IL1RAPL2: variants seen among roughly 807,000 people sequenced by gnomAD.
IL1RAPL2 encodes the protein X-linked interleukin-1 receptor accessory protein-like 2.
Under a neutral mutation model 44.1 loss-of-function variants are expected in IL1RAPL2, and 3 were observed. The observed-to-expected ratio is 0.07, with a 90% CI of 0.03 to 0.18. IL1RAPL2 has a LOEUF of 0.18. Ranked by LOEUF, IL1RAPL2 falls within the 10% of genes least tolerant of loss-of-function variation. IL1RAPL2 has a pLI of 1.00. For missense variants in IL1RAPL2, 391 were observed against 496.4 expected, an observed-to-expected ratio of 0.79 and a Z score of 2.02; for synonymous variants, 181 against 178.8, an observed-to-expected ratio of 1.01 and a Z score of -0.10.
chrX:104,822,647 T>C (rs1921333963), intron 2 of IL1RAPL2, among the ~76,000 whole-genome samples: 1 of 112,269 alleles, frequency 8.9e-6, no homozygotes, highest in African/African-American at 3.2e-5. Context: ...CATGCTGTTT[T>C]TGTTAATGTA....
Position 105,484,245 on chromosome X carries a change from G to A in IL1RAPL2, c.698-68G>A. The A allele has an allele frequency of 6.3e-6, 5 of 797,575 alleles. No homozygotes were observed. In the South Asian group the frequency reaches 1.0e-4, roughly 17 times the overall value. 65.7% of individuals were successfully genotyped at this position (797,575 alleles called of 1,213,427 possible). On this transcript the variant is annotated intron_variant, in intron 5 of 10. Coordinates refer to ENST00000372582, the MANE Select transcript of IL1RAPL2 (RefSeq NM_017416.2). ...TCTACAAACATTAAATATCATACAT[G>A]ATAGAATCTTTCTCATCCTGTAATT...
chrX:104,903,262 A>G (rs1278268406), intron 2 of IL1RAPL2, among the ~76,000 whole-genome samples: 2 of 112,408 alleles, frequency 1.8e-5, no homozygotes, highest in African/African-American at 6.5e-5. Context: ...CAGCTGAATA[A>G]GCAAATGCAT....
chrX:105,583,852 T>C (rs1205299198), intron 6 of IL1RAPL2, among the ~76,000 whole-genome samples: 1 of 112,255 alleles, frequency 8.9e-6, no homozygotes, highest in Non-Finnish European at 1.9e-5. Flanking sequence ...TTGAGAACTC[T>C]GCATAATATA....
chrX:105,527,556 G>A (rs1185853899), intron 6 of IL1RAPL2, among the ~76,000 whole-genome samples: 1 of 110,249 alleles, frequency 9.1e-6, no homozygotes. Flanking sequence ...TACAATTTGT[G>A]TGCCAAGGAT....
intron 2 of IL1RAPL2, among the ~76,000 whole-genome samples, chrX:105,021,850 A>T (rs2031286599): frequency 9.0e-6 from 1 of 111,381 alleles, no homozygotes; most frequent in African/African-American, 3.3e-5. Flanking sequence ...ATATTTGAGC[A>T]TATGCTTACC....
chrX:105,484,031 A>T (rs1160493185), intron 5 of IL1RAPL2, among the ~76,000 whole-genome samples: 2 of 111,553 alleles, frequency 1.8e-5, no homozygotes, highest in Non-Finnish European at 3.8e-5. Context: ...TTATACTTAC[A>T]AATTTATAAA....
chrX:105,725,543 A>T (rs1430586152), intron 7 of IL1RAPL2, among the ~76,000 whole-genome samples: 1 of 111,426 alleles, frequency 9.0e-6, no homozygotes, highest in Non-Finnish European at 1.9e-5. Flanking sequence ...GAAAATTTTT[A>T]TTCTTAAAAT....
chrX:105,144,385 G>A (rs184787129), intron 2 of IL1RAPL2, among the ~76,000 whole-genome samples: 2 of 110,867 alleles, frequency 1.8e-5, no homozygotes, highest in East Asian at 5.7e-4. Flanking sequence ...AAGATTCTGG[G>A]CCAAGACATT....
chrX:105,578,957 A>G (rs748844749), intron 6 of IL1RAPL2, among the ~76,000 whole-genome samples: 1 of 111,832 alleles, frequency 8.9e-6, no homozygotes, highest in South Asian at 3.8e-4. Flanking sequence ...TGGAAACTCT[A>G]GCTACTGAAG....
At chrX:105,203,008 G>T (rs1007090908) in intron 3 of IL1RAPL2, among the ~76,000 whole-genome samples, 4 of 110,793 alleles carry the variant, frequency 3.6e-5, no homozygotes, top group African/African-American at 1.3e-4. Flanking sequence ...CCACTCCTCA[G>T]ATCTCCAATA....
intron 6 of IL1RAPL2, among the ~76,000 whole-genome samples, chrX:105,619,977 ACATGGGACTAGATGAGAT>A (rs1028710606): frequency 4.5e-5 from 5 of 110,914 alleles, no homozygotes; most frequent in African/African-American, 1.6e-4. Flanking sequence ...CTGTATGAGG[ACATGGGACTAGATGAGAT>A]CATGTCCCTA....
At chrX:105,493,794 G>A (rs1358880522) in intron 6 of IL1RAPL2, among the ~76,000 whole-genome samples, 1 of 111,625 alleles carries the variant, frequency 9.0e-6, no homozygotes, top group Non-Finnish European at 1.9e-5. Flanking sequence ...TCATGTATAT[G>A]GAAGTTAAAG....
intron 6 of IL1RAPL2, among the ~76,000 whole-genome samples, chrX:105,601,055 G>A (rs1283322201): frequency 9.0e-6 from 1 of 111,266 alleles, no homozygotes; most frequent in African/African-American, 3.3e-5. Context: ...TGTATATCCT[G>A]TTCTATGAAG....
intron 2 of IL1RAPL2, among the ~76,000 whole-genome samples, chrX:104,893,904 T>C (rs2147667681): frequency 8.9e-6 from 1 of 112,208 alleles, no homozygotes; most frequent in South Asian, 3.7e-4. Context: ...AAATTTGGCA[T>C]GTTTTTGCAG....
At chrX:105,319,385 A>G (rs2034879583) in intron 5 of IL1RAPL2, among the ~76,000 whole-genome samples, 1 of 111,784 alleles carries the variant, frequency 8.9e-6, no homozygotes, top group Non-Finnish European at 1.9e-5. Context: ...TCAGGCATCC[A>G]AATTGTGCCT....
At chrX:105,129,643 T>C (rs151181364) in intron 2 of IL1RAPL2, among the ~76,000 whole-genome samples, 2 of 110,792 alleles carry the variant, frequency 1.8e-5, no homozygotes, top group Non-Finnish European at 3.8e-5. Context: ...AACCAGGAGG[T>C]ATCTCAAATG....
At chrX:104,790,649 A>G (rs890075035) in intron 2 of IL1RAPL2, among the ~76,000 whole-genome samples, 15 of 111,522 alleles carry the variant, frequency 1.3e-4, no homozygotes, top group African/African-American at 4.6e-4. Context: ...TTCACTCAAA[A>G]AAAACCTTCA....
intron 2 of IL1RAPL2, among the ~76,000 whole-genome samples, chrX:104,675,771 A>G (rs1360777869): frequency 9.1e-6 from 1 of 109,886 alleles, no homozygotes; most frequent in Non-Finnish European, 1.9e-5. Context: ...TGCTTTATGA[A>G]TCTTGGTGCT....
intron 6 of IL1RAPL2, among the ~76,000 whole-genome samples, chrX:105,567,577 A>G (rs1483590849): frequency 5.4e-5 from 6 of 111,855 alleles, no homozygotes; most frequent in Admixed American, 9.5e-5. Context: ...TAGATCTGTG[A>G]TTAATGAGTC....
Sources: allele counts gnomAD v4.1 joint callset (sites outside exome capture counted in the v4.1 genomes callset), GRCh38; gene constraint gnomAD v4.1.1; transcripts MANE v1.5; gene names NCBI Gene and HGNC (gene_info 2026-07-23, HGNC 2026-07-21).